The following DCAF8L2 variants were observed in gnomAD, a reference collection of about 807,000 sequenced individuals.
DCAF8L2 encodes the protein DDB1 and CUL4 associated factor 8 like 2, also known as DDB1- and CUL4-associated factor 8-like protein 2.
For missense variants in DCAF8L2, 430 were observed against 490.7 expected (o/e 0.88, Z 1.17); for synonymous variants, 200 against 190.9 (o/e 1.05, Z -0.39).
intron 2 of DCAF8L2, among the ~76,000 whole-genome samples, chrX:27,672,554 A>G (rs1000777590): frequency 8.9e-6 from 1 of 111,993 alleles, no homozygotes; most frequent in Non-Finnish European, 1.9e-5. Flanking sequence ...AGCTTCACAG[A>G]GAGAGGCGAG....
intron 2 of DCAF8L2, among the ~76,000 whole-genome samples, chrX:27,637,992 G>T (rs147306258): frequency 1.3e-3 from 148 of 111,596 alleles, no homozygotes; most frequent in African/African-American, 4.5e-3. Context: ...GGAAAAAAAT[G>T]GATATGAAGG....
the DCAF8L2 span, among the ~76,000 whole-genome samples, chrX:27,494,173 C>T: frequency 3.0e-4 from 33 of 111,070 alleles, no homozygotes; most frequent in Non-Finnish European, 4.7e-4. Flanking sequence ...TTTGGGAGGC[C>T]AAGGTGGGCG....
intron 3 of DCAF8L2, among the ~76,000 whole-genome samples, chrX:27,694,593 A>G (rs902522059): frequency 9.0e-6 from 1 of 111,170 alleles, no homozygotes; most frequent in African/African-American, 3.3e-5. Flanking sequence ...TCAAGTAATA[A>G]CTACTGCCAA....
chrX:27,727,545 T>C (rs1932110123), intron 4 of DCAF8L2, among the ~76,000 whole-genome samples: 1 of 111,873 alleles, frequency 8.9e-6, no homozygotes, highest in African/African-American at 3.2e-5. Context: ...CAGCACACTA[T>C]CTTAATCATA....
intron 1 of DCAF8L2, among the ~76,000 whole-genome samples, chrX:27,621,202 A>G (rs1927739877): frequency 9.0e-6 from 1 of 111,337 alleles, no homozygotes; most frequent in African/African-American, 3.3e-5. Context: ...ATGTGTGGAG[A>G]GTAGAATGCT....
chrX:27,536,647 G>GAA, the DCAF8L2 span, among the ~76,000 whole-genome samples: 252 of 105,066 alleles, frequency 2.4e-3, 5 homozygotes, highest in East Asian at 0.027. Context: ...GGAAAAATAG[G>GAA]AAAAAAAAAA....
upstream of DCAF8L2, among the ~76,000 whole-genome samples, chrX:27,586,289 T>C (rs778391489): frequency 9.0e-5 from 10 of 111,366 alleles, no homozygotes; most frequent in Non-Finnish European, 1.3e-4. Context: ...GTTGAACATA[T>C]GTGTACTGCA....
At chrX:27,493,706 CAAAAAAAAAAAAAAAAAG>C in the DCAF8L2 span, among the ~76,000 whole-genome samples, 1 of 18,391 alleles carries the variant, frequency 5.4e-5, no homozygotes, top group Non-Finnish European at 1.3e-4. Context: ...AACTCCATCT[CAAAAAAAAAAAAAAAAAG>C]AAAAAAAAAA....
chrX:27,612,911 AGGATTGTCTT>A (rs1286517558), intron 1 of DCAF8L2, among the ~76,000 whole-genome samples: 1 of 111,844 alleles, frequency 8.9e-6, no homozygotes, highest in Non-Finnish European at 1.9e-5. Flanking sequence ...GTTTTTGCTG[AGGATTGTCTT>A]GGCAATGTGG....
chrX:27,656,244 T>C (rs1372332894), intron 2 of DCAF8L2, among the ~76,000 whole-genome samples: 1 of 112,153 alleles, frequency 8.9e-6, no homozygotes, highest in Non-Finnish European at 1.9e-5. Flanking sequence ...TCCCAAGCAT[T>C]TACATTTCCT....
At chrX:27,728,233 C>T (rs753943108) in intron 4 of DCAF8L2, among the ~76,000 whole-genome samples, 1 of 111,539 alleles carries the variant, frequency 9.0e-6, no homozygotes, top group South Asian at 3.8e-4. Context: ...CGTGAATGTT[C>T]CTGGGGCACA....
At chrX:27,735,645 G>C (rs893979856) in intron 4 of DCAF8L2, among the ~76,000 whole-genome samples, 1 of 112,002 alleles carries the variant, frequency 8.9e-6, no homozygotes, top group African/African-American at 3.2e-5. Context: ...GTCAAATGCT[G>C]TGTCTTCTAC....
the DCAF8L2 span, among the ~76,000 whole-genome samples, chrX:27,578,894 CA>C: frequency 0.47 from 42,855 of 90,833 alleles, 8,158 homozygotes; most frequent in South Asian, 0.7. Flanking sequence ...ATTAAAATGT[CA>C]AAAAAAAAAA....
chrX:27,477,522 C>T, the DCAF8L2 span, among the ~76,000 whole-genome samples: 1 of 111,391 alleles, frequency 9.0e-6, no homozygotes, highest in African/African-American at 3.3e-5. Flanking sequence ...CTCCTGACCT[C>T]GTCATCCACC....
chrX:27,498,911 G>C, the DCAF8L2 span, among the ~76,000 whole-genome samples: 1 of 111,937 alleles, frequency 8.9e-6, no homozygotes. Flanking sequence ...TAATATTCCA[G>C]TGTATGTGTG....
the DCAF8L2 span, among the ~76,000 whole-genome samples, chrX:27,522,699 A>C: frequency 8.9e-6 from 1 of 112,216 alleles, no homozygotes; most frequent in African/African-American, 3.2e-5. Flanking sequence ...TGACTGGTTT[A>C]TTTCACTTAG....
At chrX:27,581,792 C>A in the DCAF8L2 span, among the ~76,000 whole-genome samples, 1 of 111,432 alleles carries the variant, frequency 9.0e-6, no homozygotes, top group African/African-American at 3.3e-5. Flanking sequence ...CCATGTTGGC[C>A]AGGCTTGTCT....
chrX:27,660,667 C>T (rs1406524900), intron 2 of DCAF8L2, among the ~76,000 whole-genome samples: 1 of 111,859 alleles, frequency 8.9e-6, no homozygotes, highest in Non-Finnish European at 1.9e-5. Flanking sequence ...AGGGATTGGG[C>T]CTTGGATGGG....
chrX:27,662,856 G>T (rs949861477), intron 2 of DCAF8L2, among the ~76,000 whole-genome samples: 2 of 111,415 alleles, frequency 1.8e-5, no homozygotes, highest in African/African-American at 6.5e-5. Context: ...ATAAAAAATT[G>T]ATCTGATGCA....
Sources: gnomAD v4.1 joint callset for allele counts (sites outside exome capture counted in the v4.1 genomes callset) on GRCh38, gnomAD v4.1.1 for gene constraint, MANE v1.5 for transcripts, NCBI Gene and HGNC (gene_info 2026-07-23, HGNC 2026-07-21) for gene names.